The following PCLO variants were observed in gnomAD, a reference collection of about 807,000 sequenced individuals.
PCLO encodes protein piccolo.
A neutral mutation model predicts 427.5 loss-of-function variants in PCLO; 82 were observed. The observed-to-expected ratio is 0.19, with a 90% CI of 0.16 to 0.23. PCLO has a LOEUF of 0.23. Among genes scored for constraint, PCLO ranks in the 10% least tolerant of loss-of-function variants. The pLI is 1.00. For missense variants in PCLO, 6,239 were observed against 6,115.9 expected (o/e 1.02, Z -0.67); for synonymous variants, 2,357 against 2,155.4 (o/e 1.09, Z -2.59).
Position 82,949,707 on chromosome 7 carries a change from G to C in PCLO, c.10881C>G (p.Ile3627Met). Residue 3627 changes from isoleucine (I) to methionine (M), a missense_variant, in exon 6 of 25, where the codon ATC (isoleucine) becomes ATG (methionine). Ile to Met is a conservative substitution (Grantham distance 10). This residue lies in a region of PCLO where 4,677 missense variants were observed against 4,468.4 expected (regional missense o/e 1.05). Coordinates refer to ENST00000333891, the MANE Select transcript of PCLO (RefSeq NM_033026.6). ...AGGCTTTGCCTGGTGAAAGTGGTGA[G>C]ATGGGTGAGTAAAGGACTTTGGGGG... ...PKSPKVLYSP[I>M]SPLSPGKALE... 2 of 1,613,830 alleles carry C rather than the reference G, an allele frequency of 1.2e-6. No individual in the cohort carries two copies. Among genetic ancestry groups the C allele is most frequent in the Non-Finnish European group, 1.7e-6 (2 of 1,179,808 alleles).
chr7:83,064,053 T>C (rs1789604329), intron 3 of PCLO, among the ~76,000 whole-genome samples: 1 of 152,042 alleles, frequency 6.6e-6, no homozygotes, highest in Non-Finnish European at 1.5e-5. Context: ...ACAATGAGAA[T>C]GGTAAGTTGA....
chr7:82,949,925 C>G lies in PCLO; in HGVS notation c.10663G>C (p.Ala3555Pro). ...CCCCCTTTGTAAGTCTTTTCAGGTG[C>G]TGAAATGTGTTTAATTATTTCTACC... ...AKVEIIKHISAPEKTYKGGSL... is the reference protein window; with the variant it reads ...AKVEIIKHISPPEKTYKGGSL... Residue 3555 changes from alanine (A) to proline (P), a missense_variant, in exon 6 of 25, where the codon GCA (alanine) becomes CCA (proline). Ala to Pro is a conservative substitution (Grantham distance 27). This residue lies in a region of PCLO where 4,677 missense variants were observed against 4,468.4 expected (regional missense o/e 1.05). Coordinates refer to ENST00000333891, the MANE Select transcript of PCLO (RefSeq NM_033026.6). 6.2e-7 allele frequency: 1 copy of G among 1,613,650 alleles called. No individual in the cohort carries two copies. Among genetic ancestry groups the G allele is most frequent in the Non-Finnish European group, 8.5e-7 (1 of 1,179,842 alleles).
intron 3 of PCLO, among the ~76,000 whole-genome samples, chr7:83,050,221 A>AAAAAAAAAAAAAAAAAAAAAACAAAAAC (rs1789204566): frequency 1.1e-5 from 1 of 93,882 alleles, no homozygotes; most frequent in Non-Finnish European, 2.3e-5. Flanking sequence ...AAAAAAAAAA[A>AAAAAAAAAAAAAAAAAAAAAACAAAAAC]AAAAAAAAAA....
chr7:82,854,460 A>G (rs1792749593), intron 10 of PCLO, among the ~76,000 whole-genome samples: 1 of 152,136 alleles, frequency 6.6e-6, no homozygotes. Context: ...TAAAGATAAT[A>G]TAATTTTAAA....
chr7:83,074,265 G>A (rs1789893906), intron 3 of PCLO, among the ~76,000 whole-genome samples: 1 of 151,884 alleles, frequency 6.6e-6, no homozygotes, highest in Admixed American at 6.6e-5. Context: ...AACAGAGAGA[G>A]ACAAAGAGAC....
chr7:83,087,274 G>A (rs1392807800), intron 3 of PCLO, among the ~76,000 whole-genome samples: 1 of 151,906 alleles, frequency 6.6e-6, no homozygotes, highest in African/African-American at 2.4e-5. Context: ...CATACAGAGT[G>A]GTATGATGGA....
chr7:82,798,335 T>A (rs930302975), intron 22 of PCLO, among the ~76,000 whole-genome samples: 24 of 152,086 alleles, frequency 1.6e-4, no homozygotes, highest in Non-Finnish European at 1.9e-4. Context: ...AAAAATACAA[T>A]AAAAGAACTA....
intron 20 of PCLO, chr7:82,821,571 T>C: frequency 1.0e-6 from 1 of 974,566 alleles, no homozygotes; most frequent in African/African-American, 1.8e-5. Context: ...TGTGAAATAT[T>C]TGCACATATT....
At position 82,978,787 on chromosome 7, in the gene PCLO, T is replaced by C. The variant is rs147427728; in HGVS notation, c.3301-12300A>G. Among the ~76,000 whole-genome samples the C allele has an allele frequency of 3.3e-5, 5 of 150,110 alleles. No individual in the cohort carries two copies. The East Asian group carries it at 5.9e-4, about 18-fold the overall frequency. Reference sequence around the variant, plus strand: ...TTTATTATGAGCTGTGGCAGACCAATTGGATTTGGAAAACAAAGAAAAATG... The same window carrying C: ...TTTATTATGAGCTGTGGCAGACCAACTGGATTTGGAAAACAAAGAAAAATG... On this transcript the variant is annotated intron_variant, in intron 3 of 24. Coordinates refer to ENST00000333891, the MANE Select transcript of PCLO (RefSeq NM_033026.6).
At chr7:82,851,816 A>G (rs1792665710) in intron 10 of PCLO, among the ~76,000 whole-genome samples, 1 of 152,222 alleles carries the variant, frequency 6.6e-6, no homozygotes, top group African/African-American at 2.4e-5. Context: ...GGCGGACTCA[A>G]CAGCAAACAC....
chr7:83,134,833 C>A lies in PCLO; in HGVS notation c.2717G>T (p.Ser906Ile), dbSNP rs374587720. 1 of 1,612,670 alleles carries A rather than the reference C, an allele frequency of 6.2e-7. No individual in the cohort carries two copies. Among genetic ancestry groups the A allele is most frequent in the African/African-American group, 1.3e-5 (1 of 74,866 alleles). ...ATCAGTAATACTTCCCAGATTCAGA[C>A]TGAAACGCCTTGACTGCTCCTGAGG... The part of the protein sequence containing the change: ...PKPQEQSRRF[S>I]LNLGSITDAP... Residue 906 changes from serine (S) to isoleucine (I), a missense_variant, in exon 3 of 25, where the codon AGT becomes ATT. This residue lies in a region of PCLO where 4,677 missense variants were observed against 4,468.4 expected (regional missense o/e 1.05). Transcript: ENST00000333891.
rs559727693 is a variant in PCLO at position 82,923,040 on chromosome 7, A to G, written c.11113-6167T>C. Among the ~76,000 whole-genome samples, 39 of 152,180 alleles carry G rather than the reference A, an allele frequency of 2.6e-4. 2 individuals are homozygous for G. In the South Asian group the frequency reaches 8.1e-3, roughly 31 times the overall value. On this transcript the variant is annotated intron_variant, in intron 6 of 24. Transcript: ENST00000333891. ...TTCAAACAGCATAATTTCACAAAAA[A>G]TTATCTGTAAACAAGATATTTTGAT...
intron 10 of PCLO, among the ~76,000 whole-genome samples, chr7:82,862,308 G>A (rs1792977727): frequency 6.6e-6 from 1 of 151,946 alleles, no homozygotes; most frequent in African/African-American, 2.4e-5. Flanking sequence ...AACAAATGCT[G>A]ATGAGGATGT....
intron 20 of PCLO, among the ~76,000 whole-genome samples, chr7:82,811,266 A>G (rs904950450): frequency 2.0e-5 from 3 of 151,536 alleles, no homozygotes; most frequent in African/African-American, 7.3e-5. Context: ...GTATTTGGGA[A>G]TTTTTACCCC....
chr7:83,136,361 G>T (rs1451156028), intron 2 of PCLO, among the ~76,000 whole-genome samples: 1 of 151,562 alleles, frequency 6.6e-6, no homozygotes, highest in African/African-American at 2.4e-5. Flanking sequence ...TCTGTTTCTG[G>T]GAATAAAACA....
chr7:83,053,152 A>C (rs1043408292), intron 3 of PCLO, among the ~76,000 whole-genome samples: 1 of 151,838 alleles, frequency 6.6e-6, no homozygotes, highest in African/African-American at 2.4e-5. Context: ...TACATTCTCT[A>C]TGCACTCATG....
At chr7:82,879,139 G>T (rs1034625468) in intron 10 of PCLO, among the ~76,000 whole-genome samples, 198 bp downstream of exon 10, 6 of 152,184 alleles carry the variant, frequency 3.9e-5, no homozygotes, top group Admixed American at 6.5e-5. Context: ...ACTGCCAAAA[G>T]GACAATGCAA....
intron 3 of PCLO, among the ~76,000 whole-genome samples, chr7:83,018,343 T>C (rs1382217081): frequency 6.6e-6 from 1 of 151,932 alleles, no homozygotes; most frequent in Non-Finnish European, 1.5e-5. Flanking sequence ...ATAAAATAAA[T>C]ATGTTGTATT....
At chr7:83,118,441 G>C (rs946238109) in intron 3 of PCLO, among the ~76,000 whole-genome samples, 4 of 152,076 alleles carry the variant, frequency 2.6e-5, no homozygotes, top group African/African-American at 9.7e-5. Flanking sequence ...AAGAGGCACA[G>C]AAGAGGGTAG....
Sources: allele counts gnomAD v4.1 joint callset (sites outside exome capture counted in the v4.1 genomes callset), GRCh38; gene constraint gnomAD v4.1.1; regional missense constraint gnomAD v4.1.1; transcripts MANE v1.5; gene names NCBI Gene and HGNC (gene_info 2026-07-23, HGNC 2026-07-21).